PHC2: variants seen among roughly 807,000 people sequenced by gnomAD.
PHC2 encodes the protein polyhomeotic homolog 2.
Under a neutral mutation model 87.4 loss-of-function variants are expected in PHC2, and 29 were observed. That is an observed-to-expected ratio of 0.33 (90% confidence interval 0.25 to 0.45). The LOEUF (loss-of-function observed/expected upper bound fraction) is 0.45. Among genes scored for constraint, PHC2 ranks in the 20% least tolerant of loss-of-function variants. The pLI is 1.00. For synonymous variants in PHC2, 438 were observed against 461.7 expected (o/e 0.95, Z 0.66); for missense variants, 857 against 1,136.7 (o/e 0.75, Z 3.54).
At chr1:33,361,623 G>T (rs772747337) in intron 7 of PHC2, among the ~76,000 whole-genome samples, 1 of 152,212 alleles carries the variant, frequency 6.6e-6, no homozygotes. Flanking sequence ...GATTACAGGC[G>T]TGAGCCATCG....
At chr1:33,356,693 T>C (rs1272944547) in intron 7 of PHC2, among the ~76,000 whole-genome samples, 1 of 151,640 alleles carries the variant, frequency 6.6e-6, no homozygotes, top group Non-Finnish European at 1.5e-5. Flanking sequence ...TCTACTTCTT[T>C]CTACACAGAC....
chr1:33,406,266 C>T (rs1649758559), intron 1 of PHC2, among the ~76,000 whole-genome samples: 1 of 152,076 alleles, frequency 6.6e-6, no homozygotes. Flanking sequence ...GAAGTATTTT[C>T]TGACTCATTA....
chr1:33,344,724 C>T (rs763694430), intron 9 of PHC2, among the ~76,000 whole-genome samples: 5 of 152,148 alleles, frequency 3.3e-5, no homozygotes, highest in Admixed American at 6.5e-5. Context: ...CCACCTCGGT[C>T]TCCTGAGCAA....
intron 1 of PHC2, among the ~76,000 whole-genome samples, chr1:33,421,090 T>C (rs1030139743): frequency 1.3e-5 from 2 of 151,918 alleles, no homozygotes; most frequent in African/African-American, 2.4e-5. Context: ...AACACTACCG[T>C]TTCTAATACA....
chr1:33,333,906 C>G, intron 10 of PHC2, 184 bp downstream of exon 10: 2 of 597,092 alleles, frequency 3.3e-6, no homozygotes, highest in South Asian at 2.1e-5. Context: ...CACTGACCCC[C>G]CTCTTCTGGA....
At chr1:33,403,123 C>T (rs1346633032) in intron 1 of PHC2, among the ~76,000 whole-genome samples, 1 of 74,656 alleles carries the variant, frequency 1.3e-5, no homozygotes, top group Non-Finnish European at 2.4e-5. Context: ...GCCCGGCCCA[C>T]TTTTTTTTTT....
intron 9 of PHC2, among the ~76,000 whole-genome samples, chr1:33,350,061 C>T (rs1294096081): frequency 6.6e-6 from 1 of 151,304 alleles, no homozygotes; most frequent in Admixed American, 6.6e-5. Flanking sequence ...GGGTTAGGGA[C>T]GCCCGGGGCT....
chr1:33,430,094 T>G (rs990155757), intron 1 of PHC2, among the ~76,000 whole-genome samples: 1 of 152,052 alleles, frequency 6.6e-6, no homozygotes, highest in Non-Finnish European at 1.5e-5. Context: ...AGGGGGATAA[T>G]TACAAGAAGA....
chr1:33,393,323 T>TC (rs2148364832), intron 1 of PHC2, among the ~76,000 whole-genome samples: 1 of 152,276 alleles, frequency 6.6e-6, no homozygotes, highest in Non-Finnish European at 1.5e-5. Flanking sequence ...GCCTGGCACT[T>TC]CTACCCTGAT....
At chr1:33,389,588 A>G (rs889083501) in intron 1 of PHC2, among the ~76,000 whole-genome samples, 1 of 152,064 alleles carries the variant, frequency 6.6e-6, no homozygotes, top group Non-Finnish European at 1.5e-5. Flanking sequence ...CTCTGGAATC[A>G]CAAAGCAATT....
intron 10 of PHC2, 176 bp downstream of exon 10, chr1:33,333,914 G>T: frequency 1.6e-6 from 1 of 625,576 alleles, no homozygotes; most frequent in Non-Finnish European, 2.7e-6. Flanking sequence ...CCCCTCTTCT[G>T]GACCTTGGAA....
At chr1:33,330,553 A>G (rs1646468913) in intron 12 of PHC2, among the ~76,000 whole-genome samples, 1 of 152,182 alleles carries the variant, frequency 6.6e-6, no homozygotes, top group East Asian at 1.9e-4. Flanking sequence ...GTGACGGGAA[A>G]CTACTGTCCA....
chr1:33,380,906 A>AC (rs1648460988), intron 1 of PHC2, among the ~76,000 whole-genome samples: 1 of 152,142 alleles, frequency 6.6e-6, no homozygotes, highest in East Asian at 1.9e-4. Flanking sequence ...CAGCATTATG[A>AC]CCAAGGTGCC....
At position 33,345,100 on chromosome 1, in the gene PHC2, TAACTC is replaced by T. The variant is rs1406107007; in HGVS notation, c.1558+9296_1558+9300del. 2.0e-5 allele frequency: 3 copies of T among 152,164 alleles called. 1 individual carries two copies. The highest frequency in any genetic ancestry group is 4.4e-5 in the Non-Finnish European group (3 of 68,034). The allele number at this position is 152,164 out of a possible 1,614,324, so 9.4% of individuals were successfully genotyped here. Reference sequence around the variant, plus strand: ...AGCCATGCAACTAGAGTTTTAAAAATAACTCAAGCAGTCACGAACTTTCATTTTCT... The same window carrying T: ...AGCCATGCAACTAGAGTTTTAAAAATAAGCAGTCACGAACTTTCATTTTCT... On this transcript the variant is annotated intron_variant, in intron 9 of 14. Coordinates refer to ENST00000683057, the MANE Select transcript of PHC2 (RefSeq NM_001385109.1).
intron 1 of PHC2, among the ~76,000 whole-genome samples, chr1:33,426,729 G>A (rs1650687358): frequency 6.6e-6 from 1 of 152,128 alleles, no homozygotes; most frequent in Admixed American, 6.5e-5. Context: ...AAGTGTGATT[G>A]TGCAGCATGA....
intron 5 of PHC2, 49 bp downstream of exon 5, chr1:33,370,370 CCT>C (rs1376717426): frequency 5.1e-6 from 8 of 1,565,686 alleles, no homozygotes; most frequent in Admixed American, 1.7e-5. Context: ...AGCTTCTCTG[CCT>C]CTGTCCTCCT....
intron 7 of PHC2, among the ~76,000 whole-genome samples, chr1:33,365,510 A>G (rs1647398831): frequency 6.6e-6 from 1 of 152,206 alleles, no homozygotes; most frequent in Non-Finnish European, 1.5e-5. Context: ...ATGAGAAACT[A>G]GAAGAAGTGC....
At chr1:33,428,676 A>G (rs1650780263) in intron 1 of PHC2, among the ~76,000 whole-genome samples, 1 of 152,236 alleles carries the variant, frequency 6.6e-6, no homozygotes, top group Non-Finnish European at 1.5e-5. Context: ...GATAGATGCT[A>G]AGACAGCAGA....
At chr1:33,392,292 G>A (rs1048693743) in intron 1 of PHC2, among the ~76,000 whole-genome samples, 6 of 152,084 alleles carry the variant, frequency 3.9e-5, no homozygotes, top group Middle Eastern at 3.2e-3. Flanking sequence ...AAACACTGGC[G>A]GAGTCATAAC....
Sources: allele counts gnomAD v4.1 joint callset (sites outside exome capture counted in the v4.1 genomes callset), GRCh38; gene constraint gnomAD v4.1.1; transcripts MANE v1.5; gene names NCBI Gene and HGNC (gene_info 2026-07-23, HGNC 2026-07-21).